Variants in KDM4C observed in about 807,000 individuals in gnomAD.
KDM4C encodes lysine demethylase 4C, also known as lysine-specific demethylase 4C.
Under a neutral mutation model 129.3 loss-of-function variants are expected in KDM4C, and 81 were observed. That is an observed-to-expected ratio of 0.63 (90% CI 0.52 to 0.75). The LOEUF is 0.75. KDM4C is among the 30% of genes least tolerant of loss of function. The pLI is 0.00. For synonymous variants in KDM4C, 573 were observed against 456.1 expected, an observed-to-expected ratio of 1.26 and a Z score of -3.26; for missense variants, 1,457 against 1,304.0, an observed-to-expected ratio of 1.12 and a Z score of -1.81.
intron 18 of KDM4C, among the ~76,000 whole-genome samples, chr9:7,109,519 G>C (rs7860305): frequency 0.48 from 72,625 of 152,036 alleles, 17,860 homozygotes; most frequent in East Asian, 0.75. Context: ...TTACATTTCA[G>C]CATATACGCA....
intron 1 of KDM4C, among the ~76,000 whole-genome samples, chr9:6,783,759 A>C (rs1040486825): frequency 5.3e-5 from 8 of 152,332 alleles, no homozygotes; most frequent in Non-Finnish European, 1.2e-4. Flanking sequence ...AAGAGGACTA[A>C]AAACAACATA....
chr9:6,830,713 GTGAAGAA>G (rs1370891610), intron 4 of KDM4C, among the ~76,000 whole-genome samples: 3 of 152,136 alleles, frequency 2.0e-5, no homozygotes, highest in African/African-American at 4.8e-5. Flanking sequence ...ATTTTATTCT[GTGAAGAA>G]TGAAGAATGA....
At chr9:6,817,159 A>C (rs1832251368) in intron 4 of KDM4C, among the ~76,000 whole-genome samples, 1 of 149,948 alleles carries the variant, frequency 6.7e-6, no homozygotes, top group African/African-American at 2.4e-5. Flanking sequence ...ATAAAGTTGA[A>C]TGGATATAGA....
chr9:7,051,243 A>G (rs971240979), intron 17 of KDM4C, among the ~76,000 whole-genome samples: 1 of 152,014 alleles, frequency 6.6e-6, no homozygotes, highest in Non-Finnish European at 1.5e-5. Flanking sequence ...ATTTGGGGGG[A>G]AGAATGTCTA....
intron 19 of KDM4C, among the ~76,000 whole-genome samples, chr9:7,128,460 C>A (rs760149327): frequency 1.3e-5 from 2 of 152,150 alleles, no homozygotes; most frequent in Admixed American, 6.5e-5. Context: ...GCAGCCCTCA[C>A]GACCTAATCA....
chr9:7,170,659 CTAAA>C (rs1844864433), intron 21 of KDM4C: 2 of 972,406 alleles, frequency 2.1e-6, no homozygotes, highest in Non-Finnish European at 2.4e-6. Flanking sequence ...ATGATAAATC[CTAAA>C]TAGAGAAATT....
chr9:6,765,266 G>C (rs939443974), intron 1 of KDM4C, among the ~76,000 whole-genome samples: 2 of 152,000 alleles, frequency 1.3e-5, no homozygotes, highest in Non-Finnish European at 2.9e-5. Context: ...TCTTCAAACT[G>C]TATACAACCT....
chr9:6,886,866 C>T (rs1353469417), intron 6 of KDM4C, among the ~76,000 whole-genome samples: 1 of 152,128 alleles, frequency 6.6e-6, no homozygotes, highest in Non-Finnish European at 1.5e-5. Flanking sequence ...GATCCACCTG[C>T]CTTGGCTTCC....
At chr9:6,926,021 C>T (rs183706730) in intron 8 of KDM4C, among the ~76,000 whole-genome samples, 133 of 152,194 alleles carry the variant, frequency 8.7e-4, no homozygotes, top group African/African-American at 2.9e-3. Context: ...GAGCGGCTTC[C>T]GAGCATAGCC....
chr9:7,002,147 C>T lies in KDM4C; in HGVS notation c.1787-9551C>T, dbSNP rs1177643492. 2.0e-5 allele frequency among the ~76,000 whole-genome samples: 3 copies of T among 152,206 alleles called. No homozygotes were observed. The East Asian group carries it at 5.8e-4, about 29-fold the overall frequency. On this transcript the variant is annotated intron_variant, in intron 12 of 21. Transcript: ENST00000381309. ...GCCTCAAGTGATCCTCCTGCCTTGG[C>T]CTCCCAAAATGCTGGGATTACAGGC...
At chr9:7,152,686 G>A (rs1842830919) in intron 19 of KDM4C, among the ~76,000 whole-genome samples, 1 of 152,088 alleles carries the variant, frequency 6.6e-6, no homozygotes, top group African/African-American at 2.4e-5. Flanking sequence ...TGGTTAAAAT[G>A]GTAAATTTAG....
intron 1 of KDM4C, among the ~76,000 whole-genome samples, chr9:6,791,624 A>G (rs544913424): frequency 1.3e-5 from 2 of 152,128 alleles, no homozygotes; most frequent in African/African-American, 4.8e-5. Context: ...AACATTCTCT[A>G]CTCAGCCTAG....
chr9:6,851,429 A>T (rs892034322), intron 5 of KDM4C, among the ~76,000 whole-genome samples: 1 of 152,230 alleles, frequency 6.6e-6, no homozygotes. Flanking sequence ...AATATTTTCA[A>T]CAATGGTTAG....
intron 11 of KDM4C, 145 bp downstream of exon 11, chr9:6,986,811 A>T (rs1001643503): frequency 1.7e-6 from 1 of 604,250 alleles, no homozygotes; most frequent in African/African-American, 1.8e-5. Flanking sequence ...TTCATTCAAT[A>T]ACTGGGAGGT....
intron 15 of KDM4C, among the ~76,000 whole-genome samples, chr9:7,037,576 T>C (rs1476851514): frequency 6.6e-6 from 1 of 152,206 alleles, no homozygotes; most frequent in Non-Finnish European, 1.5e-5. Context: ...TCAGTGGTGA[T>C]TTTTTATGAA....
chr9:7,024,500 C>T (rs550878804), intron 15 of KDM4C, among the ~76,000 whole-genome samples: 62 of 150,248 alleles, frequency 4.1e-4, no homozygotes, highest in African/African-American at 1.4e-3. Context: ...CACCCCACAA[C>T]AGTCCCTGGA....
chr9:7,054,595 A>G (rs1830624316), intron 17 of KDM4C, among the ~76,000 whole-genome samples: 1 of 152,242 alleles, frequency 6.6e-6, no homozygotes, highest in Admixed American at 6.5e-5. Flanking sequence ...CACTGTAAAA[A>G]TCTTAGATTT....
intron 8 of KDM4C, among the ~76,000 whole-genome samples, chr9:6,969,729 T>C (rs1831625398): frequency 6.6e-6 from 1 of 152,222 alleles, no homozygotes; most frequent in Non-Finnish European, 1.5e-5. Flanking sequence ...ATTTAAAATT[T>C]TTTTTCTATG....
intron 1 of KDM4C, among the ~76,000 whole-genome samples, chr9:6,740,156 C>G (rs1364635913): frequency 6.6e-6 from 1 of 151,904 alleles, no homozygotes; most frequent in East Asian, 1.9e-4. Flanking sequence ...TCCCAAAGTG[C>G]TGGAATTACA....
Sources: gnomAD v4.1 joint callset for allele counts (sites outside exome capture counted in the v4.1 genomes callset) on GRCh38, gnomAD v4.1.1 for gene constraint, MANE v1.5 for transcripts, NCBI Gene and HGNC (gene_info 2026-07-23, HGNC 2026-07-21) for gene names.